Variants in PHKB observed in about 807,000 individuals in gnomAD.
The protein encoded by PHKB is phosphorylase b kinase regulatory subunit beta.
A neutral mutation model predicts 152.1 loss-of-function variants in PHKB; 122 were observed. That is an observed-to-expected ratio of 0.80 (90% CI 0.69 to 0.93). The LOEUF (loss-of-function observed/expected upper bound fraction) is 0.93, where lower values mean the gene tolerates loss of function less well. PHKB is among the 40% of genes least tolerant of loss of function. The pLI is 0.00. For missense variants in PHKB, 1,304 were observed against 1,328.4 expected (o/e 0.98, Z 0.29); for synonymous variants, 436 against 464.9 (o/e 0.94, Z 0.80).
intron 6 of PHKB, among the ~76,000 whole-genome samples, chr16:47,544,486 C>T (rs1224218701): frequency 6.6e-6 from 1 of 152,144 alleles, no homozygotes; most frequent in African/African-American, 2.4e-5. Context: ...TTTACATTTG[C>T]TGAGGAGTGC....
chr16:47,533,008 G>C (rs1167359877), intron 6 of PHKB, among the ~76,000 whole-genome samples: 1 of 152,162 alleles, frequency 6.6e-6, no homozygotes, highest in African/African-American at 2.4e-5. Context: ...CCTGATAAGT[G>C]TTCAACTCCT....
intron 30 of PHKB, among the ~76,000 whole-genome samples, 195 bp downstream of exon 30, chr16:47,698,783 G>T (rs1187085265): frequency 6.6e-6 from 1 of 152,016 alleles, no homozygotes; most frequent in African/African-American, 2.4e-5. Context: ...CAGTTCAGCT[G>T]TGAAGTTCTG....
At chr16:47,565,226 C>T in intron 7 of PHKB, 5 of 658,310 alleles carry the variant, frequency 7.6e-6, no homozygotes, top group South Asian at 6.9e-5. Flanking sequence ...ATCCTTTTTG[C>T]CATCTTTCCT....
intron 7 of PHKB, among the ~76,000 whole-genome samples, chr16:47,568,550 G>A (rs1971606379): frequency 6.6e-6 from 1 of 151,874 alleles, no homozygotes; most frequent in Non-Finnish European, 1.5e-5. Context: ...GATCTCTCTT[G>A]TTTTTCTTCT....
chr16:47,644,640 G>A (rs1281406583), intron 16 of PHKB, among the ~76,000 whole-genome samples: 2 of 152,066 alleles, frequency 1.3e-5, no homozygotes, highest in African/African-American at 4.8e-5. Context: ...ATGTATTTCT[G>A]TCATTAAATG....
At chr16:47,598,642 T>C in intron 13 of PHKB, 2 of 1,466,082 alleles carry the variant, frequency 1.4e-6, no homozygotes, top group Non-Finnish European at 1.9e-6. Flanking sequence ...CACACCAAAG[T>C]CACTTAATAA....
chr16:47,610,891 C>T lies in PHKB; in HGVS notation c.1429C>T (p.Arg477Cys), dbSNP rs773959240. Residue 477 changes from arginine (R) to cysteine (C), a missense_variant, in exon 14 of 31, where the codon CGT becomes TGT. Coordinates refer to ENST00000323584, the MANE Select transcript of PHKB (RefSeq NM_000293.3). ...GCGCTATGTCCCACTAAAGGATCAA[C>T]GTAACGTGAGCATGAGGTTTTCCAA... ...VQRYVPLKDQ[R>C]NVSMRFSNQG... is the part of the protein sequence containing the mutation. 133 of 1,598,652 alleles carry T rather than the reference C, an allele frequency of 8.3e-5. No individual in the cohort carries two copies. The highest frequency in any genetic ancestry group is 1.0e-4 in the Non-Finnish European group (118 of 1,166,136).
intron 1 of PHKB, among the ~76,000 whole-genome samples, chr16:47,473,518 T>G (rs1203520871): frequency 6.6e-6 from 1 of 152,138 alleles, no homozygotes; most frequent in African/African-American, 2.4e-5. Context: ...CTTTTTCTTA[T>G]AGACTTTATT....
At chr16:47,587,264 T>G (rs921672740) in intron 8 of PHKB, among the ~76,000 whole-genome samples, 3 of 152,220 alleles carry the variant, frequency 2.0e-5, no homozygotes, top group Non-Finnish European at 2.9e-5. Context: ...GTATCTAAAT[T>G]TGTTTAGTTT....
chr16:47,503,338 A>G (rs928679886), intron 4 of PHKB, among the ~76,000 whole-genome samples: 2 of 152,220 alleles, frequency 1.3e-5, no homozygotes, highest in African/African-American at 2.4e-5. Context: ...TGTGTTTTGC[A>G]TCTGGTGTTG....
chr16:47,537,587 C>T (rs1168274503), intron 6 of PHKB, among the ~76,000 whole-genome samples: 1 of 152,110 alleles, frequency 6.6e-6, no homozygotes, highest in Admixed American at 6.5e-5. Flanking sequence ...GTTTCTTGGG[C>T]CTACTGCAGG....
At chr16:47,615,780 G>A (rs1019591136) in intron 14 of PHKB, among the ~76,000 whole-genome samples, 17 of 152,132 alleles carry the variant, frequency 1.1e-4, no homozygotes, top group Admixed American at 3.3e-4. Flanking sequence ...ATGTATGTTC[G>A]TAAGTCTTTC....
At chr16:47,619,857 G>A (rs1015556538) in intron 14 of PHKB, among the ~76,000 whole-genome samples, 1 of 152,084 alleles carries the variant, frequency 6.6e-6, no homozygotes, top group African/African-American at 2.4e-5. Flanking sequence ...TGTATTTTGC[G>A]TTACAGTTGT....
chr16:47,566,383 C>G, intron 7 of PHKB: 1 of 1,543,418 alleles, frequency 6.5e-7, no homozygotes, highest in Non-Finnish European at 8.9e-7. Context: ...TGTGCTTGAT[C>G]AGCAACGTCC....
chr16:47,679,780 G>A (rs1185409847), intron 26 of PHKB, among the ~76,000 whole-genome samples: 2 of 152,032 alleles, frequency 1.3e-5, no homozygotes, highest in African/African-American at 4.8e-5. Context: ...CTGCCTAATT[G>A]CCCTGGCCAG....
At chr16:47,635,138 C>CA (rs1972895535) in intron 14 of PHKB, among the ~76,000 whole-genome samples, 1 of 151,972 alleles carries the variant, frequency 6.6e-6, no homozygotes, top group African/African-American at 2.4e-5. Flanking sequence ...GAGGTAGAGC[C>CA]AATACGAGTT....
intron 10 of PHKB, chr16:47,590,445 A>C (rs1438466964): frequency 6.6e-6 from 1 of 152,048 alleles, no homozygotes; most frequent in African/African-American, 2.4e-5. Flanking sequence ...GTTGACTATC[A>C]CTTGGAAACC....
intron 20 of PHKB, 43 bp downstream of exon 20, chr16:47,650,964 T>C (rs778957804): frequency 7.9e-7 from 1 of 1,259,420 alleles, no homozygotes; most frequent in Non-Finnish European, 1.2e-6. Flanking sequence ...TCAGGACAGT[T>C]AATCTACAAT....
Position 47,503,046 on chromosome 16 carries a change from T to C in PHKB, c.361T>C (p.Cys121Arg), listed in dbSNP as rs1970349584. ...TGAGCTGGAGCACTCAGCTATAAAA[T>C]GCATGAGAGGAATTCTCTACTGCTA... ...THELEHSAIK[C>R]MRGILYCYMR... is the part of the protein sequence containing the mutation. Residue 121 changes from cysteine to arginine, a missense_variant, in exon 4 of 31, where the codon TGC (cysteine) becomes CGC (arginine). Cys to Arg is a radical substitution (Grantham distance 180, BLOSUM62 -3). Transcript: ENST00000323584. 1 of 1,613,652 alleles carries C rather than the reference T, an allele frequency of 6.2e-7. No individual in the cohort carries two copies. Among genetic ancestry groups the C allele is most frequent in the Non-Finnish European group, 8.5e-7 (1 of 1,179,556 alleles).
Sources: allele counts gnomAD v4.1 joint callset (sites outside exome capture counted in the v4.1 genomes callset), GRCh38; gene constraint gnomAD v4.1.1; transcripts MANE v1.5; gene names NCBI Gene and HGNC (gene_info 2026-07-23, HGNC 2026-07-21).